SLC8A1: variants seen among roughly 807,000 people sequenced by gnomAD.
SLC8A1 encodes solute carrier family 8 member A1.
SLC8A1 carries 18 observed loss-of-function variants against 68.3 expected under a neutral mutation model. The observed-to-expected ratio is 0.26, with a 90% CI of 0.18 to 0.39. SLC8A1 has a LOEUF of 0.39. SLC8A1 is among the 10% of genes least tolerant of loss of function. The pLI is 1.00. For synonymous variants in SLC8A1, 475 were observed against 415.5 expected, an observed-to-expected ratio of 1.14 and a Z score of -1.74; for missense variants, 985 against 1,156.7, an observed-to-expected ratio of 0.85 and a Z score of 2.15.
intron 2 of SLC8A1, among the ~76,000 whole-genome samples, chr2:40,253,733 A>G (rs1292083662): frequency 6.6e-6 from 1 of 150,402 alleles, no homozygotes; most frequent in African/African-American, 2.4e-5. Context: ...AGGCTGAGGC[A>G]GGAGAATCAC....
chr2:40,309,203 T>C (rs2073227204), intron 2 of SLC8A1, among the ~76,000 whole-genome samples: 1 of 152,216 alleles, frequency 6.6e-6, no homozygotes, highest in Non-Finnish European at 1.5e-5. Context: ...ATTCCTTATT[T>C]ATCTTCTTAT....
At chr2:40,473,695 G>A (rs566046823) in intron 1 of SLC8A1, among the ~76,000 whole-genome samples, 1 of 152,298 alleles carries the variant, frequency 6.6e-6, no homozygotes, top group South Asian at 2.1e-4. Flanking sequence ...TAGTGGGCTT[G>A]TTTATTACAG....
intron 1 of SLC8A1, among the ~76,000 whole-genome samples, chr2:40,497,705 G>A (rs1705801199): frequency 6.6e-6 from 1 of 152,050 alleles, no homozygotes; most frequent in African/African-American, 2.4e-5. Flanking sequence ...CTTATGGGGA[G>A]ACAGTGAGAG....
chr2:40,152,793 G>C (rs1434120145), intron 6 of SLC8A1, among the ~76,000 whole-genome samples: 1 of 151,848 alleles, frequency 6.6e-6, no homozygotes, highest in Non-Finnish European at 1.5e-5. Context: ...AGCAAGACCT[G>C]GATGTGTAAT....
chr2:40,277,121 C>A (rs1227158420), intron 2 of SLC8A1, among the ~76,000 whole-genome samples: 1 of 152,098 alleles, frequency 6.6e-6, no homozygotes. Flanking sequence ...ATAATAAAAA[C>A]CATAATATAT....
chr2:40,191,737 C>T (rs774229469), intron 2 of SLC8A1, among the ~76,000 whole-genome samples: 50 of 152,062 alleles, frequency 3.3e-4, no homozygotes, highest in East Asian at 1.9e-4. Flanking sequence ...TGATTGTAGA[C>T]GAAAATCTGT....
At chr2:40,467,696 T>A (rs188100091) in intron 1 of SLC8A1, among the ~76,000 whole-genome samples, 10 of 152,178 alleles carry the variant, frequency 6.6e-5, no homozygotes, top group Non-Finnish European at 1.2e-4. Flanking sequence ...CTGTCCACTT[T>A]AATTAAATCC....
intron 2 of SLC8A1, among the ~76,000 whole-genome samples, chr2:40,188,422 C>G (rs2051107625): frequency 6.6e-6 from 1 of 152,186 alleles, no homozygotes; most frequent in African/African-American, 2.4e-5. Flanking sequence ...TTGCCACTGC[C>G]TATTACGAGA....
chr2:40,429,462 C>T lies in SLC8A1; in HGVS notation c.819G>A (p.Gly273=), dbSNP rs551991974. 3.7e-6 allele frequency: 6 copies of T among 1,613,888 alleles called. No homozygotes were observed. The East Asian group carries it at 8.9e-5, about 24-fold the overall frequency. ...TGTCTCCTTCATGTTCAATAATCAT[C>T]CCCCTCTGCTTGCCAGCTCGATACC... The change falls in exon 2 of 8, where the codon GGG becomes GGA. Residue 273 remains glycine, a synonymous_variant. Transcript: ENST00000406785.
chr2:40,247,201 G>A (rs1185000330), intron 2 of SLC8A1, among the ~76,000 whole-genome samples: 1 of 152,094 alleles, frequency 6.6e-6, no homozygotes, highest in African/African-American at 2.4e-5. Flanking sequence ...CCAACCACAG[G>A]GCATTAGCTT....
chr2:40,305,025 T>C (rs1024359920), intron 2 of SLC8A1, among the ~76,000 whole-genome samples: 3 of 152,224 alleles, frequency 2.0e-5, no homozygotes, highest in African/African-American at 7.2e-5. Flanking sequence ...TCTGACTCAG[T>C]AGGTCTGGTG....
At chr2:40,354,937 G>T (rs1229000078) in intron 2 of SLC8A1, among the ~76,000 whole-genome samples, 2 of 152,074 alleles carry the variant, frequency 1.3e-5, no homozygotes, top group African/African-American at 4.8e-5. Context: ...TGAGGCAATT[G>T]TGGCATAAAG....
At chr2:40,295,189 T>C (rs1023067616) in intron 2 of SLC8A1, among the ~76,000 whole-genome samples, 3 of 152,040 alleles carry the variant, frequency 2.0e-5, no homozygotes, top group African/African-American at 4.8e-5. Context: ...AGTCTCAAAC[T>C]CTTGGGCTCA....
intron 1 of SLC8A1, among the ~76,000 whole-genome samples, chr2:40,503,115 T>G (rs966604244): frequency 2.4e-4 from 37 of 152,042 alleles, no homozygotes; most frequent in African/African-American, 8.4e-4. Flanking sequence ...ATCACATGTT[T>G]CTGTAGGTAT....
intron 2 of SLC8A1, among the ~76,000 whole-genome samples, chr2:40,406,206 A>G (rs930019503): frequency 6.6e-5 from 10 of 152,310 alleles, no homozygotes; most frequent in African/African-American, 2.2e-4. Flanking sequence ...CATATATGCC[A>G]AAGATTATGC....
intron 2 of SLC8A1, chr2:40,337,453 G>C (rs973150862): frequency 8.7e-6 from 2 of 229,188 alleles, no homozygotes; most frequent in African/African-American, 4.4e-5. Context: ...CATGAAGGAA[G>C]TCAGGTAAAA....
At chr2:40,163,209 C>T (rs2045986511) in intron 5 of SLC8A1, among the ~76,000 whole-genome samples, 1 of 152,112 alleles carries the variant, frequency 6.6e-6, no homozygotes, top group Non-Finnish European at 1.5e-5. Context: ...GGGCTTTGGA[C>T]CCAAGAAGGC....
chr2:40,341,780 T>C (rs1667777892), intron 2 of SLC8A1, among the ~76,000 whole-genome samples: 2 of 152,194 alleles, frequency 1.3e-5, no homozygotes, highest in South Asian at 4.1e-4. Context: ...GGTTTTTTGC[T>C]GGACTTCTAA....
intron 2 of SLC8A1, among the ~76,000 whole-genome samples, chr2:40,309,346 A>T (rs1393997448): frequency 6.6e-6 from 1 of 152,092 alleles, no homozygotes; most frequent in East Asian, 1.9e-4. Flanking sequence ...CTAGGGAAAG[A>T]GTGCTTCAGG....
Sources: gnomAD v4.1 joint callset for allele counts (sites outside exome capture counted in the v4.1 genomes callset) on GRCh38, gnomAD v4.1.1 for gene constraint, MANE v1.5 for transcripts, NCBI Gene and HGNC (gene_info 2026-07-23, HGNC 2026-07-21) for gene names.